NRXN1: variants seen among roughly 807,000 people sequenced by gnomAD.
The protein encoded by NRXN1 is neurexin-1.
Under a neutral mutation model 150.9 loss-of-function variants are expected in NRXN1, and 39 were observed. The observed-to-expected ratio is 0.26, with a 90% CI of 0.20 to 0.34. NRXN1 has a LOEUF of 0.34. NRXN1 is among the 10% of genes least tolerant of loss of function. The pLI is 1.00. For missense variants in NRXN1, 1,815 were observed against 1,949.9 expected (o/e 0.93, Z 1.30); for synonymous variants, 924 against 757.0 (o/e 1.22, Z -3.62).
intron 21 of NRXN1, among the ~76,000 whole-genome samples, chr2:50,037,979 T>C (rs1291252463): frequency 6.6e-6 from 1 of 152,088 alleles, no homozygotes; most frequent in Non-Finnish European, 1.5e-5. Context: ...GTCATTTGAA[T>C]GTGAAAAGAA....
chr2:49,925,006 T>G (rs781182686), intron 22 of NRXN1, among the ~76,000 whole-genome samples: 6 of 152,108 alleles, frequency 3.9e-5, no homozygotes, highest in Non-Finnish European at 5.9e-5. Context: ...AATATTTATG[T>G]GTTGGTCGGG....
chr2:50,998,936 T>C (rs964746943), intron 2 of NRXN1, among the ~76,000 whole-genome samples: 1 of 152,060 alleles, frequency 6.6e-6, no homozygotes, highest in Non-Finnish European at 1.5e-5. Flanking sequence ...ACATTAAGTA[T>C]TCAACAAGTG....
intron 21 of NRXN1, among the ~76,000 whole-genome samples, chr2:49,975,641 G>C (rs1318574172): frequency 6.6e-6 from 1 of 151,768 alleles, no homozygotes; most frequent in Non-Finnish European, 1.5e-5. Context: ...TATTTATTCA[G>C]ACTATTCAAT....
intron 5 of NRXN1, among the ~76,000 whole-genome samples, chr2:50,772,084 G>A (rs910536156): frequency 2.0e-5 from 3 of 151,980 alleles, no homozygotes; most frequent in African/African-American, 7.2e-5. Context: ...ACTGCCTGCT[G>A]AATACAAGTC....
intron 12 of NRXN1, among the ~76,000 whole-genome samples, chr2:50,511,056 C>CT (rs70948716): frequency 1.8e-3 from 265 of 147,088 alleles, no homozygotes; most frequent in Middle Eastern, 3.6e-3. Flanking sequence ...GTCTAACAAG[C>CT]TTTTTTTTTT....
intron 22 of NRXN1, among the ~76,000 whole-genome samples, chr2:49,936,492 C>T (rs1671049343): frequency 6.6e-6 from 1 of 152,124 alleles, no homozygotes. Context: ...TATGAATCCT[C>T]TTTTTCCAAT....
intron 17 of NRXN1, among the ~76,000 whole-genome samples, chr2:50,383,334 C>T (rs116473589): frequency 2.7e-3 from 404 of 151,940 alleles, no homozygotes; most frequent in African/African-American, 9.3e-3. Flanking sequence ...CATCAGTTAG[C>T]GTAGGAGAAA....
intron 2 of NRXN1, among the ~76,000 whole-genome samples, chr2:50,927,590 C>A (rs1311850704): frequency 2.0e-5 from 3 of 151,890 alleles, no homozygotes; most frequent in Non-Finnish European, 4.4e-5. Context: ...TGTTTTACTG[C>A]ATTATATTGG....
At chr2:51,025,130 C>G (rs1258686057) in intron 2 of NRXN1, among the ~76,000 whole-genome samples, 1 of 152,154 alleles carries the variant, frequency 6.6e-6, no homozygotes, top group Non-Finnish European at 1.5e-5. Context: ...TTCTGTGATA[C>G]TCAAAAGAAT....
intron 5 of NRXN1, among the ~76,000 whole-genome samples, chr2:50,849,862 A>G (rs1674249113): frequency 6.6e-6 from 1 of 151,860 alleles, no homozygotes; most frequent in Non-Finnish European, 1.5e-5. Context: ...CTTCCCCAGT[A>G]CACACACACA....
At chr2:51,010,307 T>C (rs1280661738) in intron 2 of NRXN1, among the ~76,000 whole-genome samples, 8 of 152,050 alleles carry the variant, frequency 5.3e-5, no homozygotes, top group African/African-American at 1.9e-4. Context: ...CTTTACAGGT[T>C]ATGTGCCTTT....
At chr2:50,912,694 C>A (rs1357352792) in intron 5 of NRXN1, among the ~76,000 whole-genome samples, 1 of 149,580 alleles carries the variant, frequency 6.7e-6, no homozygotes, top group East Asian at 2.0e-4. Context: ...AAGTGAGCTA[C>A]TTGAACATGT....
At chr2:50,725,751 G>A (rs938016828) in intron 5 of NRXN1, among the ~76,000 whole-genome samples, 8 of 152,074 alleles carry the variant, frequency 5.3e-5, no homozygotes, top group Admixed American at 6.5e-5. Flanking sequence ...CTGTTTAGAA[G>A]ATAGACTTTA....
chr2:50,233,202 C>T (rs1224245331), intron 18 of NRXN1, among the ~76,000 whole-genome samples: 1 of 151,992 alleles, frequency 6.6e-6, no homozygotes, highest in East Asian at 1.9e-4. Context: ...TTGCTCTTCA[C>T]TTCATGTCTT....
intron 21 of NRXN1, among the ~76,000 whole-genome samples, chr2:50,032,361 T>C (rs1473979672): frequency 6.6e-6 from 1 of 152,060 alleles, no homozygotes; most frequent in Non-Finnish European, 1.5e-5. Context: ...AGTGGCAGTA[T>C]TCAAGATTAA....
In NRXN1 at chr2:51,027,599, G is replaced by A; in HGVS notation, c.675C>T (p.Gly225=). ...ACACACCTCCGTTGAGGCACACCCC[G>A]CCCTCGCCCTCCTCGCCCGCCTCGC... is the stretch of plus-strand genomic sequence containing the variant. ...SPCEAGEEGE[G]GVCLNGGVCS... The change falls in exon 2 of 23, where the codon GGC becomes GGT. Residue 225 remains glycine (G), a synonymous_variant. Coordinates refer to ENST00000401669, the MANE Select transcript of NRXN1 (RefSeq NM_001330078.2). 1.2e-6 allele frequency: 2 copies of A among 1,601,358 alleles called. No homozygotes were observed. The highest frequency in any genetic ancestry group is 1.1e-5 in the South Asian group (1 of 89,392).
At chr2:50,776,977 A>C (rs1025913846) in intron 5 of NRXN1, among the ~76,000 whole-genome samples, 5 of 152,106 alleles carry the variant, frequency 3.3e-5, no homozygotes, top group African/African-American at 1.2e-4. Context: ...GATTTAAGTG[A>C]CCATTTATTT....
At chr2:50,170,540 G>A (rs2059965710) in intron 18 of NRXN1, among the ~76,000 whole-genome samples, 2 of 151,928 alleles carry the variant, frequency 1.3e-5, no homozygotes, top group South Asian at 2.1e-4. Flanking sequence ...CAAGTGATTC[G>A]CCCACCTTGG....
intron 5 of NRXN1, among the ~76,000 whole-genome samples, chr2:50,811,903 G>A (rs1668264136): frequency 6.6e-6 from 1 of 151,986 alleles, no homozygotes. Flanking sequence ...GTAAAAATGT[G>A]GCTCCATATT....
Sources: gnomAD v4.1 joint callset for allele counts (sites outside exome capture counted in the v4.1 genomes callset) on GRCh38, gnomAD v4.1.1 for gene constraint, MANE v1.5 for transcripts, NCBI Gene and HGNC (gene_info 2026-07-23, HGNC 2026-07-21) for gene names.